CSMD3: variants seen among roughly 807,000 people sequenced by gnomAD.
CSMD3 encodes the protein CUB and Sushi multiple domains 3, also known as CUB and sushi domain-containing protein 3.
Under a neutral mutation model 435.2 loss-of-function variants are expected in CSMD3, and 177 were observed. The observed-to-expected ratio is 0.41, with a 90% CI of 0.36 to 0.46. The LOEUF (loss-of-function observed/expected upper bound fraction) is 0.46, where lower values mean the gene tolerates loss of function less well. Ranked by LOEUF, CSMD3 falls within the 20% of genes least tolerant of loss-of-function variation. CSMD3 has a pLI of 0.34. For missense variants in CSMD3, 4,265 were observed against 4,504.6 expected, an observed-to-expected ratio of 0.95 and a Z score of 1.52; for synonymous variants, 1,656 against 1,520.5, an observed-to-expected ratio of 1.09 and a Z score of -2.07.
At chr8:112,869,637 G>T (rs987479733) in intron 10 of CSMD3, among the ~76,000 whole-genome samples, 2 of 152,108 alleles carry the variant, frequency 1.3e-5, no homozygotes, top group Non-Finnish European at 2.9e-5. Context: ...CAACCCAAAT[G>T]CCCATCAATG....
chr8:113,113,207 T>C (rs187765342), intron 4 of CSMD3, among the ~76,000 whole-genome samples: 1 of 152,180 alleles, frequency 6.6e-6, no homozygotes, highest in East Asian at 1.9e-4. Flanking sequence ...TTTGTTTTAG[T>C]TTTATTTATA....
intron 17 of CSMD3, 26 bp from the exon 18 acceptor site, chr8:112,656,367 A>C (rs1442955453): frequency 6.4e-7 from 1 of 1,555,650 alleles, no homozygotes; most frequent in African/African-American, 1.4e-5. Context: ...ACATGTGAAA[A>C]TATATTTAGA....
chr8:113,181,734 A>G (rs2092424329), intron 3 of CSMD3, among the ~76,000 whole-genome samples: 1 of 152,072 alleles, frequency 6.6e-6, no homozygotes, highest in African/African-American at 2.4e-5. Flanking sequence ...TACCAAAACC[A>G]AAGAAATACA....
intron 22 of CSMD3, among the ~76,000 whole-genome samples, chr8:112,612,086 T>C (rs1390750544): frequency 6.6e-6 from 1 of 152,150 alleles, no homozygotes; most frequent in East Asian, 1.9e-4. Flanking sequence ...CTATATTAGT[T>C]GAGGAAAGCC....
rs1158232184 is a variant in CSMD3, at chr8:112,306,081, G to C, written c.7997C>G (p.Ser2666Cys). 3 of 1,613,366 alleles carry C rather than the reference G, an allele frequency of 1.9e-6. No homozygotes were observed. Among genetic ancestry groups the C allele is most frequent in the Non-Finnish European group, 2.5e-6 (3 of 1,179,572 alleles). The change falls in exon 51 of 71, where the codon TCC becomes TGC. Residue 2666 changes from serine to cysteine, a missense_variant. Ser to Cys is a moderately radical substitution (Grantham distance 112). Around this residue, in one of 3 missense-constraint regions of CSMD3, gnomAD observed 3,255 missense variants for 3,380.2 expected, o/e 0.96. Coordinates refer to ENST00000297405, the MANE Select transcript of CSMD3 (RefSeq NM_198123.2). ...GCATACAGCTGTAGTGAGTTCTTTG[G>C]ATGACAATCGATATCCATCATTACA... is the stretch of plus-strand genomic sequence containing the variant. ...YFCNDGYRLS[S>C]KELTTAVCQS...
intron 10 of CSMD3, among the ~76,000 whole-genome samples, chr8:112,894,513 G>A (rs928686373): frequency 6.6e-6 from 1 of 151,186 alleles, no homozygotes; most frequent in Non-Finnish European, 1.5e-5. Context: ...TAAATTCCTT[G>A]AGACTTATAT....
chr8:113,105,623 A>G (rs2090451859), intron 4 of CSMD3, among the ~76,000 whole-genome samples: 1 of 152,178 alleles, frequency 6.6e-6, no homozygotes, highest in African/African-American at 2.4e-5. Flanking sequence ...ACCACTAGCT[A>G]GAATATAGAG....
In CSMD3 at chr8:112,466,451, T is replaced by C. The variant is rs560058278; in HGVS notation, c.5395+6140A>G. ...AGACCAAAGAGTAAATGGTCAAATA[T>C]ATGTGTGAATTTTAAGGAAAAATAT... On this transcript the variant is annotated intron_variant, in intron 32 of 70. Transcript: ENST00000297405. 8.5e-5 allele frequency among the ~76,000 whole-genome samples: 13 copies of C among 152,260 alleles called. No individual in the cohort carries two copies. In the South Asian group the frequency reaches 2.7e-3, roughly 32 times the overall value.
chr8:113,094,699 C>A (rs560257030), intron 5 of CSMD3, among the ~76,000 whole-genome samples: 31 of 152,130 alleles, frequency 2.0e-4, no homozygotes, highest in African/African-American at 6.3e-4. Context: ...TTCTAGCATA[C>A]AGAAAAGACA....
At chr8:112,426,284 T>C (rs2130344887) in intron 32 of CSMD3, among the ~76,000 whole-genome samples, 1 of 152,292 alleles carries the variant, frequency 6.6e-6, no homozygotes, top group Admixed American at 6.5e-5. Flanking sequence ...AAGCACATTT[T>C]AATAGGTAGT....
intron 27 of CSMD3, among the ~76,000 whole-genome samples, chr8:112,526,201 T>C (rs1824943399): frequency 6.6e-6 from 1 of 151,894 alleles, no homozygotes; most frequent in Admixed American, 6.6e-5. Flanking sequence ...TGGATTTTAA[T>C]GAATAGCTAT....
chr8:112,663,110 A>C (rs2075427957), intron 17 of CSMD3, among the ~76,000 whole-genome samples: 1 of 152,148 alleles, frequency 6.6e-6, no homozygotes, highest in Non-Finnish European at 1.5e-5. Context: ...TAGAAATACC[A>C]TTTGACCCAG....
intron 41 of CSMD3, among the ~76,000 whole-genome samples, chr8:112,345,089 T>C (rs1274752523): frequency 6.6e-6 from 1 of 152,118 alleles, no homozygotes; most frequent in Non-Finnish European, 1.5e-5. Flanking sequence ...GCTATATCAG[T>C]CTATACATCT....
intron 4 of CSMD3, among the ~76,000 whole-genome samples, chr8:113,161,625 T>TA (rs1265579169): frequency 4.6e-5 from 7 of 152,086 alleles, no homozygotes; most frequent in African/African-American, 1.7e-4. Context: ...TCTCTCTTTT[T>TA]ATGATAGATA....
At chr8:112,487,533 T>C (rs944575408) in intron 31 of CSMD3, among the ~76,000 whole-genome samples, 1 of 152,186 alleles carries the variant, frequency 6.6e-6, no homozygotes, top group African/African-American at 2.4e-5. Flanking sequence ...ATAAGATCTT[T>C]GGCATTTATT....
intron 5 of CSMD3, among the ~76,000 whole-genome samples, chr8:113,086,223 T>A (rs1274296466): frequency 6.8e-6 from 1 of 147,148 alleles, no homozygotes; most frequent in Non-Finnish European, 1.5e-5. Context: ...CACTCCAGCC[T>A]GGGCAACAAA....
chr8:112,710,582 GT>G (rs912282741), intron 13 of CSMD3, among the ~76,000 whole-genome samples: 8 of 151,472 alleles, frequency 5.3e-5, no homozygotes, highest in Non-Finnish European at 8.8e-5. Flanking sequence ...ATTTGGTTTT[GT>G]TTTTGTATTA....
At chr8:113,048,432 G>C (rs991425497) in intron 5 of CSMD3, among the ~76,000 whole-genome samples, 21 of 152,114 alleles carry the variant, frequency 1.4e-4, no homozygotes, top group African/African-American at 4.8e-4. Flanking sequence ...TGGCAATAAA[G>C]TGAATACAAA....
chr8:112,634,050 G>T (rs1331027227), intron 22 of CSMD3, among the ~76,000 whole-genome samples: 2 of 151,956 alleles, frequency 1.3e-5, no homozygotes, highest in Non-Finnish European at 2.9e-5. Context: ...TGGCAATGCT[G>T]AAGACTAAAT....
Sources: gnomAD v4.1 joint callset for allele counts (sites outside exome capture counted in the v4.1 genomes callset) on GRCh38, gnomAD v4.1.1 for gene constraint, gnomAD v4.1.1 regional missense constraint, MANE v1.5 for transcripts, NCBI Gene and HGNC (gene_info 2026-07-23, HGNC 2026-07-21) for gene names.